Variants in IMMP2L observed in about 807,000 individuals in gnomAD.
IMMP2L encodes inner mitochondrial membrane peptidase subunit 2.
In IMMP2L, 18 loss-of-function variants were observed where a neutral mutation model predicts 19.3. The observed-to-expected ratio is 0.93, with a 90% confidence interval of 0.64 to 1.38. The LOEUF (loss-of-function observed/expected upper bound fraction) is 1.38. IMMP2L is among the 40% of genes most tolerant of loss of function. The probability of loss-of-function intolerance (pLI) is 0.00; values close to 1 mark genes in which losing one functional copy is unlikely to be tolerated. For synonymous variants in IMMP2L, 76 were observed against 73.0 expected (o/e 1.04, Z -0.21); for missense variants, 233 against 218.2 (o/e 1.07, Z -0.43).
intron 2 of IMMP2L, among the ~76,000 whole-genome samples, chr7:111,494,320 CA>C (rs1049992389): frequency 2.0e-5 from 3 of 151,960 alleles, no homozygotes; most frequent in African/African-American, 4.8e-5. Flanking sequence ...TAACAAAGAA[CA>C]AAAAAAGCCA....
chr7:111,330,271 A>T (rs1250373693), intron 3 of IMMP2L, among the ~76,000 whole-genome samples: 1 of 151,864 alleles, frequency 6.6e-6, no homozygotes, highest in African/African-American at 2.4e-5. Context: ...CTGGAAAAAT[A>T]GTAGAAAATC....
At chr7:111,013,372 G>A (rs1206304056) in intron 3 of IMMP2L, among the ~76,000 whole-genome samples, 3 of 152,122 alleles carry the variant, frequency 2.0e-5, no homozygotes, top group African/African-American at 7.2e-5. Flanking sequence ...ACACTTTAAG[G>A]CAGAACATGA....
intron 3 of IMMP2L, among the ~76,000 whole-genome samples, chr7:111,006,382 T>C (rs935071601): frequency 1.6e-4 from 25 of 152,106 alleles, no homozygotes; most frequent in Non-Finnish European, 3.2e-4. Context: ...TAATGCATAA[T>C]TGGGCTTTAT....
chr7:111,259,514 C>T (rs1451877981), intron 3 of IMMP2L, among the ~76,000 whole-genome samples: 1 of 151,970 alleles, frequency 6.6e-6, no homozygotes, highest in African/African-American at 2.4e-5. Flanking sequence ...TGGCACATGC[C>T]TGTAGTCCTA....
chr7:111,373,840 T>A (rs532742019), intron 3 of IMMP2L, among the ~76,000 whole-genome samples: 3 of 151,980 alleles, frequency 2.0e-5, no homozygotes, highest in Non-Finnish European at 4.4e-5. Context: ...AGAAAATACA[T>A]CAGGGATTTA....
intron 5 of IMMP2L, among the ~76,000 whole-genome samples, chr7:110,860,765 T>C (rs1807313930): frequency 6.6e-6 from 1 of 152,056 alleles, no homozygotes; most frequent in Non-Finnish European, 1.5e-5. Flanking sequence ...TGCAGGTGAA[T>C]CCACCTACAT....
At chr7:111,082,855 CAA>C (rs59384730) in intron 3 of IMMP2L, among the ~76,000 whole-genome samples, 21 of 71,174 alleles carry the variant, frequency 3.0e-4, no homozygotes, top group Non-Finnish European at 3.3e-4. Context: ...GCGATTTTGC[CAA>C]AAAAAAAAAA....
chr7:111,073,567 A>C (rs1795141946), intron 3 of IMMP2L, among the ~76,000 whole-genome samples: 3 of 152,188 alleles, frequency 2.0e-5, no homozygotes, highest in Non-Finnish European at 4.4e-5. Context: ...CATGGCAAAC[A>C]GAAATGAGAA....
intron 3 of IMMP2L, among the ~76,000 whole-genome samples, chr7:111,071,756 G>A (rs529141356): frequency 6.6e-6 from 1 of 152,204 alleles, no homozygotes; most frequent in African/African-American, 2.4e-5. Flanking sequence ...ACTGCTTAAT[G>A]GGTACAGTTT....
At chr7:110,886,806 A>G in intron 4 of IMMP2L, 111 bp from the exon 5 acceptor site, 1 of 515,534 alleles carries the variant, frequency 1.9e-6, no homozygotes, top group Non-Finnish European at 3.5e-6. Flanking sequence ...AGACAGGTTA[A>G]CCATGAAGCT....
chr7:111,141,512 T>C (rs2129598515), intron 3 of IMMP2L, among the ~76,000 whole-genome samples: 1 of 152,234 alleles, frequency 6.6e-6, no homozygotes, highest in African/African-American at 2.4e-5. Context: ...TTAGGTTGCT[T>C]AATTTTCTAT....
At chr7:110,938,579 A>T (rs1029007674) in intron 4 of IMMP2L, among the ~76,000 whole-genome samples, 1 of 152,186 alleles carries the variant, frequency 6.6e-6, no homozygotes, top group Non-Finnish European at 1.5e-5. Context: ...ATGCATTTGA[A>T]TAAGGTAAGC....
At chr7:110,908,725 G>T (rs1812736563) in intron 4 of IMMP2L, among the ~76,000 whole-genome samples, 1 of 152,134 alleles carries the variant, frequency 6.6e-6, no homozygotes, top group African/African-American at 2.4e-5. Context: ...TGTTTTAGAA[G>T]GTTTAGATAA....
intron 3 of IMMP2L, among the ~76,000 whole-genome samples, chr7:111,136,471 C>A (rs1802359176): frequency 3.3e-5 from 5 of 152,200 alleles, no homozygotes; most frequent in Admixed American, 2.6e-4. Flanking sequence ...ATAGGGCAGC[C>A]CTGCAAGTTA....
chr7:111,226,544 A>T (rs915020974), intron 3 of IMMP2L, among the ~76,000 whole-genome samples: 1 of 152,054 alleles, frequency 6.6e-6, no homozygotes, highest in African/African-American at 2.4e-5. Flanking sequence ...TAAACCTCTG[A>T]GAGCTAGCAA....
chr7:110,838,266 C>A (rs1274132416), intron 5 of IMMP2L, among the ~76,000 whole-genome samples: 2 of 152,074 alleles, frequency 1.3e-5, no homozygotes, highest in African/African-American at 4.8e-5. Flanking sequence ...AATATTTTGA[C>A]TTAATGCTTT....
chr7:110,750,147 A>G (rs1184151372), intron 5 of IMMP2L, among the ~76,000 whole-genome samples: 1 of 152,126 alleles, frequency 6.6e-6, no homozygotes, highest in African/African-American at 2.4e-5. Flanking sequence ...GGTCTTAAGG[A>G]ATTTTTTTAA....
chr7:111,548,732 A>C (rs1849173811), intron 1 of IMMP2L, among the ~76,000 whole-genome samples: 1 of 152,136 alleles, frequency 6.6e-6, no homozygotes, highest in South Asian at 2.1e-4. Flanking sequence ...TGAAACTAGA[A>C]TTGTATTCAA....
chr7:111,355,900 A>C (rs1828650636), intron 3 of IMMP2L, among the ~76,000 whole-genome samples: 1 of 152,066 alleles, frequency 6.6e-6, no homozygotes, highest in African/African-American at 2.4e-5. Context: ...TGAAAATACA[A>C]AGTCTAATTC....
Sources: gnomAD v4.1 joint callset for allele counts (sites outside exome capture counted in the v4.1 genomes callset) on GRCh38, gnomAD v4.1.1 for gene constraint, MANE v1.5 for transcripts, NCBI Gene and HGNC (gene_info 2026-07-23, HGNC 2026-07-21) for gene names.